The following NLRP14 variants were observed in gnomAD, a reference collection of about 807,000 sequenced individuals.
NLRP14 encodes NLR family pyrin domain containing 14.
NLRP14 carries 105 observed loss-of-function variants against 94.7 expected under a neutral mutation model. That is an observed-to-expected ratio of 1.11 (90% confidence interval 0.95 to 1.30). NLRP14 has a LOEUF of 1.30. NLRP14 is among the 50% of genes most tolerant of loss of function. The pLI is 0.00. For missense variants in NLRP14, 1,362 were observed against 1,254.1 expected, an observed-to-expected ratio of 1.09 and a Z score of -1.30; for synonymous variants, 508 against 459.9, an observed-to-expected ratio of 1.10 and a Z score of -1.34.
chr11:7,072,670 C>T (rs1852819718), downstream of NLRP14, among the ~76,000 whole-genome samples: 1 of 152,090 alleles, frequency 6.6e-6, no homozygotes, highest in Non-Finnish European at 1.5e-5. Context: ...ATGCATGCTC[C>T]CTTGGGATGA....
chr11:7,026,059 G>T (rs567682220), intron 1 of NLRP14, among the ~76,000 whole-genome samples: 1 of 152,298 alleles, frequency 6.6e-6, no homozygotes, highest in East Asian at 1.9e-4. Context: ...ATCCTCAACT[G>T]ATGAATGTGT....
intron 3 of NLRP14, among the ~76,000 whole-genome samples, chr11:7,040,976 A>G (rs1852240117): frequency 6.6e-6 from 1 of 152,214 alleles, no homozygotes; most frequent in South Asian, 2.1e-4. Context: ...TCTTCAAATT[A>G]TTATTTGAAA....
intron 4 of NLRP14, among the ~76,000 whole-genome samples, chr11:7,044,548 A>G (rs371308773): frequency 1.3e-5 from 2 of 152,122 alleles, no homozygotes; most frequent in Admixed American, 1.3e-4. Context: ...GAGACACTGG[A>G]GGTTAATAAG....
the NLRP14 span, among the ~76,000 whole-genome samples, chr11:7,078,494 T>TAA: frequency 7.0e-6 from 1 of 142,806 alleles, no homozygotes; most frequent in Non-Finnish European, 1.5e-5. Context: ...AATTACATTT[T>TAA]AAAGAAATTA....
At chr11:7,078,077 C>T in the NLRP14 span, among the ~76,000 whole-genome samples, 1 of 151,982 alleles carries the variant, frequency 6.6e-6, no homozygotes, top group Non-Finnish European at 1.5e-5. Context: ...CTAAAAATGA[C>T]TAAGATGGAA....
chr11:7,057,909 T>A, intron 7 of NLRP14, 62 bp downstream of exon 7: 1 of 1,391,368 alleles, frequency 7.2e-7, no homozygotes, highest in Non-Finnish European at 1.0e-6. Context: ...AGCTTAATTG[T>A]GATCTGATAG....
rs1310771949 is a variant in NLRP14, at chr11:7,043,803, G to A, written c.1777G>A (p.Ala593Thr). Reference sequence around the variant, plus strand: ...CTGTCTGTATGAGACTCAAGATAAAGCGTTTATAAGCCAGGCAATGAGATG... The same window carrying A: ...CTGTCTGTATGAGACTCAAGATAAAACGTTTATAAGCCAGGCAATGAGATG... ...FHCLYETQDK[A>T]FISQAMRCFP... The change falls in exon 4 of 12, where the codon GCG (alanine) becomes ACG (threonine). Residue 593 changes from alanine to threonine, a missense_variant. Transcript: ENST00000299481. 1.2e-6 allele frequency: 2 copies of A among 1,614,056 alleles called. No individual in the cohort carries two copies. The highest frequency in any genetic ancestry group is 2.7e-5 in the African/African-American group (2 of 74,922).
At chr11:7,031,118 G>T (rs1852087713) in intron 1 of NLRP14, among the ~76,000 whole-genome samples, 1 of 152,208 alleles carries the variant, frequency 6.6e-6, no homozygotes. Context: ...GCCAGAGTGC[G>T]TTCCCCTTTC....
chr11:7,032,281 A>C (rs1431254002), intron 1 of NLRP14, among the ~76,000 whole-genome samples: 1 of 152,088 alleles, frequency 6.6e-6, no homozygotes, highest in African/African-American at 2.4e-5. Flanking sequence ...ATCTTCATAT[A>C]CCTGCCAACT....
intron 1 of NLRP14, among the ~76,000 whole-genome samples, chr11:7,037,991 T>C (rs1852185019): frequency 6.6e-6 from 1 of 152,212 alleles, no homozygotes. Context: ...TAATTATATA[T>C]GTATTTATGA....
intron 6 of NLRP14, among the ~76,000 whole-genome samples, chr11:7,054,231 A>T (rs1237194876): frequency 6.6e-6 from 1 of 152,138 alleles, no homozygotes; most frequent in African/African-American, 2.4e-5. Context: ...GGTTGCTTCC[A>T]AATCTTGGCT....
intron 10 of NLRP14, among the ~76,000 whole-genome samples, chr11:7,064,356 C>A (rs1394957137): frequency 2.0e-5 from 3 of 152,050 alleles, no homozygotes; most frequent in Non-Finnish European, 4.4e-5. Context: ...CATGACAAAC[C>A]AGGCCGAGGG....
rs1852588542 is a variant in NLRP14 at position 7,059,925 on chromosome 11, A to G, written c.2665A>G (p.Ser889Gly). 1 of 1,612,586 alleles carries G rather than the reference A, an allele frequency of 6.2e-7. No individual in the cohort carries two copies. The highest frequency in any genetic ancestry group is 8.5e-7 in the Non-Finnish European group (1 of 1,178,944). Residue 889 changes from serine (S) to glycine (G), a missense_variant, in exon 9 of 12, where the codon AGT becomes GGT. By Grantham distance (56) the Ser-to-Gly change is moderately conservative. Coordinates refer to ENST00000299481, the MANE Select transcript of NLRP14 (RefSeq NM_176822.4). The part of the protein sequence containing the change: ...LRRCHFTSLS[S>G]EYLSTSLLHN... Reference sequence around the variant, plus strand: ...GCGTTGCCATTTCACTTCACTTAGCAGTGAATATCTGTCAACTTCTCTTCT... The same window carrying G: ...GCGTTGCCATTTCACTTCACTTAGCGGTGAATATCTGTCAACTTCTCTTCT...
Position 7,042,391 on chromosome 11 carries a change from A to G in NLRP14, c.365A>G (p.Asp122Gly). The G allele has an allele frequency of 6.2e-7, 1 of 1,613,140 alleles. No homozygotes were observed. Among genetic ancestry groups the G allele is most frequent in the Non-Finnish European group, 8.5e-7 (1 of 1,179,454 alleles). ...TQEDQEAVLG[D>G]GTEYRNRIKE... ...TACCTTTGCCATTCTGACTTAGGTG[A>G]TGGAACAGAATACAGAAATAGAATA... Residue 122 changes from aspartate (D) to glycine (G), a missense_variant, in exon 4 of 12, where the codon GAT (aspartate) becomes GGT (glycine). Asp to Gly is a moderately conservative substitution (Grantham distance 94). Coordinates refer to ENST00000299481, the MANE Select transcript of NLRP14 (RefSeq NM_176822.4).
Position 7,071,423 on chromosome 11 carries a change from T to G in NLRP14, c.*115T>G. 1.9e-5 allele frequency: 15 copies of G among 770,440 alleles called. No homozygotes were observed. Among genetic ancestry groups the G allele is most frequent in the Middle Eastern group, 3.6e-4 (1 of 2,772 alleles). 47.7% of individuals were successfully genotyped at this position (770,440 alleles called of 1,614,324 possible). A position where few individuals can be genotyped will look rare whatever the true frequency, so the allele number is the denominator to read the frequency against. ...ACTCTATGCCCAGAGATAGTGCACT[T>G]GGCAGCTGTCAGATACCATTCATCT... On this transcript the variant is annotated 3_prime_UTR_variant, in exon 12 of 12. Coordinates refer to ENST00000299481, the MANE Select transcript of NLRP14 (RefSeq NM_176822.4).
intron 1 of NLRP14, among the ~76,000 whole-genome samples, chr11:7,032,028 C>G (rs1050392958): frequency 1.3e-5 from 2 of 152,196 alleles, no homozygotes; most frequent in Admixed American, 6.5e-5. Context: ...ATTGCCAACA[C>G]GCCAAATTCA....
chr11:7,076,165 A>G (rs1852872130), downstream of NLRP14, among the ~76,000 whole-genome samples: 1 of 152,136 alleles, frequency 6.6e-6, no homozygotes, highest in African/African-American at 2.4e-5. Context: ...TTTGTCTCTA[A>G]AAATAGTATT....
Position 7,059,917 on chromosome 11 carries a change from C to T in NLRP14, c.2657C>T (p.Ser886Leu), listed in dbSNP as rs891431323. 4 of 1,612,400 alleles carry T rather than the reference C, an allele frequency of 2.5e-6. No individual in the cohort carries two copies. The African/African-American group carries it at 5.3e-5, about 22-fold the overall frequency. The change falls in exon 9 of 12, where the codon TCA becomes TTA. Residue 886 changes from serine to leucine, a missense_variant. Coordinates refer to ENST00000299481, the MANE Select transcript of NLRP14 (RefSeq NM_176822.4). ...SLVLRRCHFT[S>L]LSSEYLSTSL... ...AGGCTGAGGCGTTGCCATTTCACTT[C>T]ACTTAGCAGTGAATATCTGTCAACT... is the stretch of plus-strand genomic sequence containing the variant.
Position 7,071,401 on chromosome 11 carries a change from C to G in NLRP14, c.*93C>G. On this transcript the variant is annotated 3_prime_UTR_variant, in exon 12 of 12. Transcript: ENST00000299481. ...ACTTGGGTGCTTAGCTTCAGATACT[C>G]TATGCCCAGAGATAGTGCACTTGGC... 2.0e-6 allele frequency: 2 copies of G among 1,009,292 alleles called. No homozygotes were observed. The highest frequency in any genetic ancestry group is 2.8e-5 in the South Asian group (2 of 72,254). 62.5% of individuals were successfully genotyped at this position (1,009,292 alleles called of 1,614,324 possible). A position where few individuals can be genotyped will look rare whatever the true frequency, so the allele number is the denominator to read the frequency against.
Sources: allele counts gnomAD v4.1 joint callset (sites outside exome capture counted in the v4.1 genomes callset), GRCh38; gene constraint gnomAD v4.1.1; transcripts MANE v1.5; gene names NCBI Gene and HGNC (gene_info 2026-07-23, HGNC 2026-07-21).